Variants in MTMR4 observed in about 807,000 individuals in gnomAD.
MTMR4 encodes the protein phosphatidylinositol-3,5-bisphosphate 3-phosphatase MTMR4.
In MTMR4, 30 loss-of-function variants were observed where a neutral mutation model predicts 125.5. The observed-to-expected ratio is 0.24, with a 90% CI of 0.18 to 0.32. The LOEUF (loss-of-function observed/expected upper bound fraction) is 0.32, where lower values mean the gene tolerates loss of function less well. MTMR4 is among the 10% of genes least tolerant of loss of function. The probability of loss-of-function intolerance (pLI) is 1.00; values close to 1 mark genes in which losing one functional copy is unlikely to be tolerated. For synonymous variants in MTMR4, 498 were observed against 564.5 expected, an observed-to-expected ratio of 0.88 and a Z score of 1.67; for missense variants, 1,039 against 1,511.5, an observed-to-expected ratio of 0.69 and a Z score of 5.18.
intron 14 of MTMR4, among the ~76,000 whole-genome samples, chr17:58,502,318 C>T (rs1055054677): frequency 1.3e-5 from 2 of 151,798 alleles, no homozygotes; most frequent in Non-Finnish European, 2.9e-5. Context: ...CCACCATGCC[C>T]GGCTAATTTT....
rs1270473773 is a variant in MTMR4, at chr17:58,495,660, G to C, written c.2524C>G (p.Pro842Ala). 1 of 1,614,162 alleles carries C rather than the reference G, an allele frequency of 6.2e-7. No individual in the cohort carries two copies. Among genetic ancestry groups the C allele is most frequent in the Non-Finnish European group, 8.5e-7 (1 of 1,180,032 alleles). Residue 842 changes from proline to alanine, a missense_variant, in exon 15 of 18, where the codon CCA (proline) becomes GCA (alanine). Physicochemically the swap from Pro to Ala is conservative, Grantham distance 27. Transcript: ENST00000682306. The part of the protein sequence containing the change: ...PSAACQTPLD[P>A]STDFLNQDPS... ...TCTTGGTTGAGGAAGTCAGTGCTTG[G>C]GTCTAGAGGAGTTTGGCAGGCAGCA... is the stretch of plus-strand genomic sequence containing the variant.
chr17:58,507,906 T>C, intron 7 of MTMR4: 2 of 358,922 alleles, frequency 5.6e-6, no homozygotes, highest in South Asian at 3.2e-5. Flanking sequence ...TATAAAATAA[T>C]GTACTATTTT....
At chr17:58,517,327 G>T (rs2042030830), upstream of MTMR4, among the ~76,000 whole-genome samples, 1 of 152,238 alleles carries the variant, frequency 6.6e-6, no homozygotes, top group Non-Finnish European at 1.5e-5. Context: ...GGCTCACTTA[G>T]GGAGCCAGGC....
upstream of MTMR4, chr17:58,515,011 G>A (rs141864523): frequency 2.2e-4 from 213 of 985,346 alleles, 2 homozygotes; most frequent in Middle Eastern, 5.2e-3. Context: ...GCCCATCAGG[G>A]TCCTTCAATC....
Position 58,504,125 on chromosome 17 carries a change from G to A in MTMR4, c.1623C>T (p.Thr541=). ...EREKRNIYKR[T]CSVWALLRAG... ...CTCGAAGGAGCGCCCACACAGAGCA[G>A]GTCCGCTTGTAGATGTTGCGCTTCT... Residue 541 remains threonine (T), a synonymous_variant, in exon 13 of 18, where the codon ACC becomes ACT. Coordinates refer to ENST00000682306, the MANE Select transcript of MTMR4 (RefSeq NM_001378067.1). The surrounding 1 kb of genome is among the most constrained non-coding windows in gnomAD (Gnocchi z 7.1). The A allele has an allele frequency of 1.9e-6, 3 of 1,611,966 alleles. No individual in the cohort carries two copies. Among genetic ancestry groups the A allele is most frequent in the Non-Finnish European group, 2.5e-6 (3 of 1,179,162 alleles).
chr17:58,509,415 CTTT>C (rs11451825), intron 4 of MTMR4, among the ~76,000 whole-genome samples: 9 of 134,706 alleles, frequency 6.7e-5, no homozygotes, highest in Admixed American at 1.5e-4. Context: ...ATATATATAC[CTTT>C]TTTTTTTTTT....
In MTMR4 at chr17:58,495,066, G is replaced by A. The variant is rs148437803; in HGVS notation, c.3118C>T (p.Arg1040Trp). Residue 1040 changes from arginine (R) to tryptophan (W), a missense_variant, in exon 15 of 18, where the codon CGG becomes TGG. By Grantham distance (101) the Arg-to-Trp change is moderately radical. Around this residue, in one of 6 missense-constraint regions of MTMR4, gnomAD observed 619 missense variants for 714.5 expected, o/e 0.87. Coordinates refer to ENST00000682306, the MANE Select transcript of MTMR4 (RefSeq NM_001378067.1). ...TGTTTGTACCCTGCTTCGATTTGCC[G>A]TAACCTATGCTGGATCACATCCGTG... is the stretch of plus-strand genomic sequence containing the variant. ...FPTDVIQHRL[R>W]QIEAGYKQEV... 2,723 of 1,614,178 alleles carry A rather than the reference G, an allele frequency of 1.7e-3. 3 individuals carry two copies. The highest frequency in any genetic ancestry group is 2.2e-3 in the Non-Finnish European group (2,539 of 1,180,020).
chr17:58,506,617 G>T, intron 9 of MTMR4, 126 bp downstream of exon 9: 1 of 1,215,802 alleles, frequency 8.2e-7, no homozygotes, highest in Non-Finnish European at 1.1e-6. Context: ...CTAGTAGGTA[G>T]CAAAGTTGTG....
upstream of MTMR4, among the ~76,000 whole-genome samples, chr17:58,515,865 G>A (rs1298270226): frequency 1.3e-5 from 2 of 152,188 alleles, no homozygotes; most frequent in African/African-American, 2.4e-5. Flanking sequence ...AAAAGACACC[G>A]AAGAGATACT....
At chr17:58,505,689 C>T (rs1955202479) in intron 9 of MTMR4, 106 bp from the exon 10 acceptor site, 2 of 640,270 alleles carry the variant, frequency 3.1e-6, no homozygotes, top group African/African-American at 3.6e-5. Flanking sequence ...GGTTGGATCA[C>T]CTGAGGTCAG....
chr17:58,506,570 G>C (rs1359529071), intron 9 of MTMR4, among the ~76,000 whole-genome samples, 173 bp downstream of exon 9: 1 of 152,216 alleles, frequency 6.6e-6, no homozygotes, highest in Non-Finnish European at 1.5e-5. Context: ...ATAAAGCTTG[G>C]ACAGATTAAG....
At chr17:58,502,456 C>G (rs780266447) in intron 14 of MTMR4, among the ~76,000 whole-genome samples, 9 of 151,468 alleles carry the variant, frequency 5.9e-5, no homozygotes, top group African/African-American at 9.7e-5. Context: ...CCGTGCCCAG[C>G]CTGTAATTTA....
intron 3 of MTMR4, among the ~76,000 whole-genome samples, chr17:58,511,991 T>A (rs1598227417): frequency 6.6e-6 from 1 of 152,144 alleles, no homozygotes; most frequent in East Asian, 1.9e-4. Context: ...CAACTTTTTT[T>A]TTTTTATTTT....
intron 1 of MTMR4, 149 bp downstream of exon 1, chr17:58,514,214 A>C (rs1598229822): frequency 5.7e-6 from 4 of 701,154 alleles, no homozygotes; most frequent in Non-Finnish European, 7.0e-6. Flanking sequence ...AAGTCCAAGA[A>C]ATAAAAGGGT....
chr17:58,512,564 T>C lies in MTMR4; in HGVS notation c.136-58A>G. On this transcript the variant is annotated intron_variant, in intron 2 of 17. Transcript: ENST00000682306. This position sits in a 1 kb window ranked among gnomAD's most constrained non-coding sequence, Gnocchi z 4.1. ...AGTGAGTGACCACCTTATCCTCTTC[T>C]ACAGCCCCTGATCTGTGGGATCCCC... The C allele has an allele frequency of 7.3e-7, 1 of 1,360,710 alleles. No homozygotes were observed. The allele number at this position is 1,360,710 out of a possible 1,614,324, so 84.3% of individuals were successfully genotyped here.
In MTMR4 at chr17:58,492,919, C is replaced by T. The variant is rs768763638; in HGVS notation, c.3286G>A (p.Glu1096Lys). ...TCACTGTGATCAGAGCCAAAATCCTCAGTATCACTGCCATCTGACTCCTTC... is the reference window on the plus strand; with the variant it reads ...TCACTGTGATCAGAGCCAAAATCCTTAGTATCACTGCCATCTGACTCCTTC... ...CLKESDGSDT[E>K]DFGSDHSEDC... Residue 1096 changes from glutamate (E) to lysine (K), a missense_variant, in exon 16 of 18, where the codon GAG becomes AAG. Transcript: ENST00000682306. 6 of 1,614,114 alleles carry T rather than the reference C, an allele frequency of 3.7e-6. No individual in the cohort carries two copies. Among genetic ancestry groups the T allele is most frequent in the Non-Finnish European group, 5.1e-6 (6 of 1,180,042 alleles).
At chr17:58,500,437 A>T (rs1260234105) in intron 14 of MTMR4, among the ~76,000 whole-genome samples, 1 of 151,898 alleles carries the variant, frequency 6.6e-6, no homozygotes, top group Non-Finnish European at 1.5e-5. Context: ...TGAACTACAC[A>T]CATTCTTATC....
At chr17:58,496,439 C>A in intron 14 of MTMR4, 109 bp from the exon 15 acceptor site, 1 of 804,550 alleles carries the variant, frequency 1.2e-6, no homozygotes, top group Non-Finnish European at 1.9e-6. Flanking sequence ...GAAATAATGA[C>A]ACTTAAGAAC....
intron 8 of MTMR4, 67 bp from the exon 9 acceptor site, chr17:58,506,938 A>C: frequency 6.3e-6 from 10 of 1,577,986 alleles, no homozygotes; most frequent in Non-Finnish European, 8.6e-6. Context: ...GCCCTCTGGC[A>C]CTCCCTCTCA....
Sources: gnomAD v4.1 joint callset for allele counts (sites outside exome capture counted in the v4.1 genomes callset) on GRCh38, gnomAD v4.1.1 for gene constraint, gnomAD v4.1.1 regional missense constraint, Gnocchi (gnomAD v3.1) non-coding constraint, MANE v1.5 for transcripts, NCBI Gene and HGNC (gene_info 2026-07-23, HGNC 2026-07-21) for gene names.